Variants in SLIT1 observed in about 807,000 individuals in gnomAD.
The protein encoded by SLIT1 is slit guidance ligand 1, also known as slit homolog 1 protein.
A neutral mutation model predicts 186.1 loss-of-function variants in SLIT1; 66 were observed. The observed-to-expected ratio is 0.35, with a 90% CI of 0.29 to 0.44. The LOEUF (loss-of-function observed/expected upper bound fraction) is 0.44. Ranked by LOEUF, SLIT1 falls within the 20% of genes least tolerant of loss-of-function variation. SLIT1 has a pLI of 1.00. For synonymous variants in SLIT1, 761 were observed against 833.8 expected (o/e 0.91, Z 1.50); for missense variants, 1,638 against 2,037.4 (o/e 0.80, Z 3.77).
chr10:97,063,614 G>A lies in SLIT1; in HGVS notation c.634C>T (p.Leu212=). The change falls in exon 8 of 37, where the codon CTG becomes TTG. Residue 212 remains leucine, a synonymous_variant. Coordinates refer to ENST00000266058, the MANE Select transcript of SLIT1 (RefSeq NM_003061.3). ...NHMPKLRTFR[L]HSNHLFCDCH... is the part of the protein sequence containing the mutation. ...TCGCAAAACAGGTGGTTGGAGTGCA[G>A]GCGGCTGCAAGAGGACAGGATGGCT... 1.2e-6 allele frequency: 2 copies of A among 1,603,102 alleles called. No individual in the cohort carries two copies. Among genetic ancestry groups the A allele is most frequent in the Admixed American group, 1.7e-5 (1 of 59,282 alleles).
chr10:97,044,233 A>G (rs930094831), intron 18 of SLIT1, among the ~76,000 whole-genome samples: 30 of 152,292 alleles, frequency 2.0e-4, no homozygotes, highest in Admixed American at 3.9e-4. Context: ...TGTCTCTACA[A>G]AAAAATTTAA....
intron 4 of SLIT1, 43 bp downstream of exon 4, chr10:97,157,775 C>CA (rs768776804): frequency 1.3e-6 from 2 of 1,518,398 alleles, no homozygotes; most frequent in Non-Finnish European, 1.8e-6. Context: ...GGGTGAGAGA[C>CA]AAAACCACAG....
chr10:97,092,009 C>T (rs185650569), intron 4 of SLIT1, among the ~76,000 whole-genome samples: 1 of 152,372 alleles, frequency 6.6e-6, no homozygotes, highest in East Asian at 1.9e-4. Context: ...ACCATTGCCT[C>T]ATCTTCTTAC....
chr10:97,163,286 A>C, intron 3 of SLIT1, 94 bp downstream of exon 3: 1 of 1,084,550 alleles, frequency 9.2e-7, no homozygotes, highest in Non-Finnish European at 1.4e-6. Context: ...GTCCCCTCCC[A>C]TGAGTGCCCC....
intron 4 of SLIT1, among the ~76,000 whole-genome samples, chr10:97,074,829 C>G (rs1849031375): frequency 6.6e-6 from 1 of 152,270 alleles, no homozygotes; most frequent in South Asian, 2.1e-4. Flanking sequence ...TGCCAATCCC[C>G]CCATCCTCTC....
chr10:97,013,701 C>A (rs1203208717), intron 30 of SLIT1, 40 bp downstream of exon 30: 1 of 1,434,692 alleles, frequency 7.0e-7, no homozygotes, highest in East Asian at 2.5e-5. Context: ...GACTCAGGGG[C>A]CTGAGCTCCT....
chr10:97,020,304 A>G (rs1228890391), intron 26 of SLIT1, among the ~76,000 whole-genome samples: 1 of 152,190 alleles, frequency 6.6e-6, no homozygotes, highest in African/African-American at 2.4e-5. Context: ...GGTGCAGGTT[A>G]CCTGGGTGAG....
intron 4 of SLIT1, among the ~76,000 whole-genome samples, chr10:97,095,040 T>G (rs1214259421): frequency 6.6e-6 from 1 of 152,176 alleles, no homozygotes; most frequent in Non-Finnish European, 1.5e-5. Context: ...CCCAGCACTC[T>G]GAGAGGCCGA....
chr10:97,090,712 C>T (rs553928116), intron 4 of SLIT1, among the ~76,000 whole-genome samples: 1 of 152,328 alleles, frequency 6.6e-6, no homozygotes, highest in Admixed American at 6.5e-5. Flanking sequence ...GAGGGTGCCA[C>T]CAACAGCTCC....
chr10:97,021,192 C>T lies in SLIT1; in HGVS notation c.2746+58G>A, dbSNP rs1187749865. On this transcript the variant is annotated intron_variant, in intron 26 of 36. Coordinates refer to ENST00000266058, the MANE Select transcript of SLIT1 (RefSeq NM_003061.3). This position sits in a 1 kb window ranked among gnomAD's most constrained non-coding sequence, Gnocchi z 4.5. ...ACGCAGGCATGTTAGGAAGGCCCTGCAGTGTTGGGCAAGTTCTGTGAGCCC... is the reference window on the plus strand; with the variant it reads ...ACGCAGGCATGTTAGGAAGGCCCTGTAGTGTTGGGCAAGTTCTGTGAGCCC... 14 of 1,547,626 alleles carry T rather than the reference C, an allele frequency of 9.0e-6. No homozygotes were observed. Among genetic ancestry groups the T allele is most frequent in the South Asian group, 1.2e-5 (1 of 82,246 alleles).
intron 3 of SLIT1, among the ~76,000 whole-genome samples, chr10:97,162,178 T>C (rs542469063): frequency 2.0e-5 from 3 of 152,382 alleles, no homozygotes; most frequent in African/African-American, 7.2e-5. Flanking sequence ...GTTTTAGTAA[T>C]ACTATTGTCA....
At chr10:97,042,488 G>C (rs1848698523) in intron 20 of SLIT1, among the ~76,000 whole-genome samples, 1 of 151,948 alleles carries the variant, frequency 6.6e-6, no homozygotes, top group South Asian at 2.1e-4. Flanking sequence ...ATGGGGGAGG[G>C]GACTCAAAAG....
At chr10:97,069,488 G>T (rs1011378345) in intron 4 of SLIT1, among the ~76,000 whole-genome samples, 1 of 152,240 alleles carries the variant, frequency 6.6e-6, no homozygotes, top group African/African-American at 2.4e-5. Flanking sequence ...CTTTCATGGG[G>T]TGTACATGCC....
chr10:97,045,528 A>G (rs1003846582), intron 18 of SLIT1, among the ~76,000 whole-genome samples: 3 of 152,226 alleles, frequency 2.0e-5, no homozygotes, highest in African/African-American at 7.2e-5. Context: ...TCATTTCTGG[A>G]TAGTGATGGG....
chr10:97,042,031 C>G (rs1422060555), intron 20 of SLIT1, among the ~76,000 whole-genome samples: 1 of 151,868 alleles, frequency 6.6e-6, no homozygotes, highest in Non-Finnish European at 1.5e-5. Flanking sequence ...AGTATAGACT[C>G]TTTTTTAAAT....
chr10:97,004,212 T>C lies in SLIT1; in HGVS notation c.3721A>G (p.Ile1241Val). 1.2e-6 allele frequency: 2 copies of C among 1,609,224 alleles called. No homozygotes were observed. Among genetic ancestry groups the C allele is most frequent in the Non-Finnish European group, 1.7e-6 (2 of 1,175,850 alleles). The change falls in exon 34 of 37, where the codon ATC (isoleucine) becomes GTC (valine). Residue 1241 changes from isoleucine to valine, a missense_variant. Physicochemically the swap from Ile to Val is conservative, Grantham distance 29. This residue lies in a region of SLIT1 where 173 missense variants were observed against 290.9 expected (regional missense o/e 0.59). Coordinates refer to ENST00000266058, the MANE Select transcript of SLIT1 (RefSeq NM_003061.3). This position sits in a 1 kb window ranked among gnomAD's most constrained non-coding sequence, Gnocchi z 5.1. ...PSSAIYSAETINDGQFHTVEL... is the reference protein window; with the variant it reads ...PSSAIYSAETVNDGQFHTVEL... ...ACGGTGTGGAATTGCCCATCGTTGA[T>C]CGTCTCAGCACTGGAGGAAGAGGGG...
At chr10:97,165,704 T>C (rs1218009160) in intron 1 of SLIT1, among the ~76,000 whole-genome samples, 2 of 151,950 alleles carry the variant, frequency 1.3e-5, no homozygotes, top group Non-Finnish European at 2.9e-5. Flanking sequence ...GTCAGGAGGA[T>C]GGGGGGCCTG....
intron 4 of SLIT1, among the ~76,000 whole-genome samples, chr10:97,076,082 G>T (rs980882904): frequency 1.3e-5 from 2 of 152,126 alleles, no homozygotes; most frequent in Admixed American, 6.5e-5. Flanking sequence ...CTGGTGGGGG[G>T]CAGGGACCAG....
rs1053077224 is a variant in SLIT1, at chr10:97,182,891, G to A, written c.197+2587C>T. On this transcript the variant is annotated intron_variant, in intron 1 of 36. Transcript: ENST00000266058. ...CTGTAATCCCAACACTTTGGGAGGC[G>A]GAGGCAGGAGGATTGCTTGAGCCCA... Among the ~76,000 whole-genome samples the A allele has an allele frequency of 6.6e-5, 10 of 152,100 alleles. No individual in the cohort carries two copies. In the East Asian group the frequency reaches 7.7e-4, roughly 12 times the overall value.
Sources: allele counts gnomAD v4.1 joint callset (sites outside exome capture counted in the v4.1 genomes callset), GRCh38; gene constraint gnomAD v4.1.1; regional missense constraint gnomAD v4.1.1; non-coding constraint Gnocchi (gnomAD v3.1); transcripts MANE v1.5; gene names NCBI Gene and HGNC (gene_info 2026-07-23, HGNC 2026-07-21).